The following SMAD1 variants were observed in gnomAD, a reference collection of about 807,000 sequenced individuals.
The protein encoded by SMAD1 is MAD, mothers against decapentaplegic homolog 1.
Under a neutral mutation model 41.6 loss-of-function variants are expected in SMAD1, and 6 were observed. The observed-to-expected ratio is 0.14, with a 90% CI of 0.08 to 0.28. The LOEUF is 0.28. SMAD1 is among the 10% of genes least tolerant of loss of function. SMAD1 has a pLI of 1.00. For synonymous variants in SMAD1, 206 were observed against 203.2 expected (o/e 1.01, Z -0.12); for missense variants, 379 against 582.6 (o/e 0.65, Z 3.60).
At chr4:145,533,223 T>G (rs1189988378) in intron 2 of SMAD1, among the ~76,000 whole-genome samples, 1 of 152,254 alleles carries the variant, frequency 6.6e-6, no homozygotes, top group African/African-American at 2.4e-5. Flanking sequence ...CAGACCTGTC[T>G]CTTTACTTTC....
intron 5 of SMAD1, among the ~76,000 whole-genome samples, chr4:145,552,892 A>ATGT (rs111591261): frequency 1.6e-3 from 248 of 151,088 alleles, no homozygotes; most frequent in East Asian, 6.2e-3. Context: ...AAATTGCTAC[A>ATGT]TGTTGTTGTT....
In SMAD1 at chr4:145,558,426, G is replaced by T. The variant is rs753447638; in HGVS notation, c.*492G>T. On this transcript the variant is annotated 3_prime_UTR_variant, in exon 7 of 7. Coordinates refer to ENST00000302085, the MANE Select transcript of SMAD1 (RefSeq NM_005900.3). ...TATTTGTTTAGCGATGGTTTTGTTC[G>T]TTTAAGTAAAGGTTAATCTTGATGA... 1.3e-5 allele frequency among the ~76,000 whole-genome samples: 2 copies of T among 152,120 alleles called. No homozygotes were observed. The highest frequency in any genetic ancestry group is 2.9e-5 in the Non-Finnish European group (2 of 68,022).
intron 2 of SMAD1, among the ~76,000 whole-genome samples, chr4:145,531,490 A>C (rs1402089612): frequency 6.6e-6 from 1 of 152,080 alleles, no homozygotes; most frequent in Non-Finnish European, 1.5e-5. Context: ...AGGTGGCCTC[A>C]CTGAAATGTC....
At chr4:145,547,207 G>A (rs1387715003) in intron 5 of SMAD1, among the ~76,000 whole-genome samples, 1 of 152,102 alleles carries the variant, frequency 6.6e-6, no homozygotes, top group African/African-American at 2.4e-5. Context: ...GAATAAATTG[G>A]CTGTTATAAA....
At chr4:145,488,955 A>C (rs1728635909) in intron 1 of SMAD1, among the ~76,000 whole-genome samples, 1 of 152,224 alleles carries the variant, frequency 6.6e-6, no homozygotes, top group Non-Finnish European at 1.5e-5. Flanking sequence ...TTGCATAGGC[A>C]GAAGGAAGAG....
chr4:145,547,845 G>C (rs1199801334), intron 5 of SMAD1, among the ~76,000 whole-genome samples: 2 of 152,202 alleles, frequency 1.3e-5, no homozygotes, highest in African/African-American at 4.8e-5. Context: ...TATTACGTAT[G>C]TGTGTATGCA....
At chr4:145,491,750 G>A (rs1801015915) in intron 1 of SMAD1, among the ~76,000 whole-genome samples, 1 of 152,108 alleles carries the variant, frequency 6.6e-6, no homozygotes, top group African/African-American at 2.4e-5. Flanking sequence ...GCAGTGTGAG[G>A]GGCTATCAGT....
intron 5 of SMAD1, among the ~76,000 whole-genome samples, chr4:145,550,345 C>T (rs1391039988): frequency 1.3e-5 from 2 of 151,966 alleles, no homozygotes; most frequent in African/African-American, 2.4e-5. Context: ...GAACCCGGGT[C>T]TCTACTAAAA....
rs371568766 is a variant in SMAD1 at position 145,499,715 on chromosome 4, T to G, written c.-176-14723T>G. Among the ~76,000 whole-genome samples, 456 of 152,318 alleles carry G rather than the reference T, an allele frequency of 3.0e-3. 1 individual carries two copies. The highest frequency in any genetic ancestry group is 0.01 in the African/African-American group (434 of 41,560). On this transcript the variant is annotated intron_variant, in intron 1 of 6. Transcript: ENST00000302085. ...GGTCCCATCCCCAAGATATCTCATT[T>G]TATATATTCAGAATATTCCAACATC...
chr4:145,494,023 G>A (rs1420668109), intron 1 of SMAD1, among the ~76,000 whole-genome samples: 4 of 152,092 alleles, frequency 2.6e-5, no homozygotes, highest in Non-Finnish European at 2.9e-5. Context: ...GTGCAGTGGC[G>A]TGATCTTGGC....
rs553622093 is a variant in SMAD1 at position 145,533,631 on chromosome 4, C to G, written c.401-6173C>G. Among the ~76,000 whole-genome samples, 15 of 152,298 alleles carry G rather than the reference C, an allele frequency of 9.8e-5. No individual in the cohort carries two copies. The South Asian group carries it at 3.1e-3, about 32-fold the overall frequency. ...CCCAGGAGTTTGAGGCTGAATTGCT[C>G]TGTGATCATGCCTGTGAATAGCCAC... On this transcript the variant is annotated intron_variant, in intron 2 of 6. Coordinates refer to ENST00000302085, the MANE Select transcript of SMAD1 (RefSeq NM_005900.3).
At chr4:145,554,753 C>G (rs1732747404) in intron 6 of SMAD1, among the ~76,000 whole-genome samples, 1 of 152,112 alleles carries the variant, frequency 6.6e-6, no homozygotes, top group Non-Finnish European at 1.5e-5. Context: ...CCTTAAATGT[C>G]TGATTAGATT....
intron 1 of SMAD1, among the ~76,000 whole-genome samples, chr4:145,494,493 G>A (rs535780673): frequency 3.9e-5 from 6 of 152,260 alleles, no homozygotes; most frequent in East Asian, 1.9e-4. Context: ...TGAGTTCCTC[G>A]AGGGTATGGC....
chr4:145,511,559 AT>A (rs1157004190), intron 1 of SMAD1, among the ~76,000 whole-genome samples: 5 of 152,064 alleles, frequency 3.3e-5, no homozygotes, highest in African/African-American at 9.7e-5. Context: ...AATCATATAT[AT>A]TTTTTTAATT....
At chr4:145,513,971 G>A (rs764146231) in intron 1 of SMAD1, among the ~76,000 whole-genome samples, 1 of 152,138 alleles carries the variant, frequency 6.6e-6, no homozygotes, top group African/African-American at 2.4e-5. Context: ...AGTCTGCTTT[G>A]GTTGCCATAA....
rs1050473314 is a variant in SMAD1, at chr4:145,492,171, GT to G, written c.-177+10134del. On this transcript the variant is annotated intron_variant, in intron 1 of 6. Transcript: ENST00000302085. ...ACAAAATACTTTTGTGACTAAATGTGTGTGGGTTTTTCGCTACACACCAAAC... is the reference window on the plus strand; with the variant it reads ...ACAAAATACTTTTGTGACTAAATGTGGTGGGTTTTTCGCTACACACCAAAC... Among the ~76,000 whole-genome samples, 82 of 152,136 alleles carry G rather than the reference GT, an allele frequency of 5.4e-4. 1 individual carries two copies. The highest frequency in any genetic ancestry group is 1.9e-3 in the African/African-American group (80 of 41,428).
chr4:145,524,296 A>G (rs1182508070), intron 2 of SMAD1, among the ~76,000 whole-genome samples: 1 of 152,228 alleles, frequency 6.6e-6, no homozygotes, highest in Non-Finnish European at 1.5e-5. Context: ...GTTAAATCCT[A>G]GGCAAATGTG....
At chr4:145,526,487 T>C (rs1731024474) in intron 2 of SMAD1, among the ~76,000 whole-genome samples, 1 of 152,222 alleles carries the variant, frequency 6.6e-6, no homozygotes, top group South Asian at 2.1e-4. Flanking sequence ...ACATATAACT[T>C]ACAGCTTTTA....
chr4:145,548,393 G>A (rs545361296), intron 5 of SMAD1, among the ~76,000 whole-genome samples: 95 of 151,988 alleles, frequency 6.3e-4, no homozygotes, highest in African/African-American at 2.3e-3. Context: ...ACCACACTCG[G>A]CTAATTTTTG....
Sources: allele counts gnomAD v4.1 joint callset (sites outside exome capture counted in the v4.1 genomes callset), GRCh38; gene constraint gnomAD v4.1.1; transcripts MANE v1.5; gene names NCBI Gene and HGNC (gene_info 2026-07-23, HGNC 2026-07-21).